Variants in RALYL observed in about 807,000 individuals in gnomAD.
RALYL encodes RALY RNA binding protein like, also known as RNA-binding Raly-like protein.
RALYL carries 29 observed loss-of-function variants against 35.1 expected under a neutral mutation model. The observed-to-expected ratio is 0.83, with a 90% CI of 0.61 to 1.13. RALYL has a LOEUF of 1.13. RALYL is among the 50% of genes most tolerant of loss of function. RALYL has a pLI of 0.00. For missense variants in RALYL, 359 were observed against 360.4 expected (o/e 1.00, Z 0.03); for synonymous variants, 120 against 127.6 (o/e 0.94, Z 0.40).
intron 1 of RALYL, among the ~76,000 whole-genome samples, chr8:84,510,281 T>C (rs1262593497): frequency 6.6e-6 from 1 of 152,192 alleles, no homozygotes; most frequent in African/African-American, 2.4e-5. Context: ...GCGATCCCTA[T>C]GGCAAATTTA....
intron 1 of RALYL, among the ~76,000 whole-genome samples, chr8:84,353,706 T>G (rs1851328297): frequency 6.6e-6 from 1 of 150,380 alleles, no homozygotes; most frequent in Non-Finnish European, 1.5e-5. Context: ...AAAAAACATT[T>G]TAACCACCTA....
chr8:84,231,310 A>G (rs567204544), intron 1 of RALYL, among the ~76,000 whole-genome samples: 1 of 152,214 alleles, frequency 6.6e-6, no homozygotes. Flanking sequence ...TGTAGTTTTC[A>G]AATTGACTGA....
At chr8:84,883,869 C>T (rs1472806976) in intron 7 of RALYL, among the ~76,000 whole-genome samples, 2 of 152,078 alleles carry the variant, frequency 1.3e-5, no homozygotes, top group Middle Eastern at 3.4e-3. Context: ...CTGTTTTGAG[C>T]CTGTTATAAC....
chr8:84,671,418 C>T (rs556723300), intron 2 of RALYL, among the ~76,000 whole-genome samples: 26 of 152,242 alleles, frequency 1.7e-4, no homozygotes, highest in Non-Finnish European at 2.4e-4. Flanking sequence ...GGACTGTGGG[C>T]GTAGGGAGCT....
intron 1 of RALYL, among the ~76,000 whole-genome samples, chr8:84,319,856 A>AT (rs1487761153): frequency 7.9e-6 from 1 of 126,822 alleles, no homozygotes; most frequent in Non-Finnish European, 1.8e-5. Flanking sequence ...TGTAGTCATA[A>AT]TTTTTTTTCA....
At chr8:84,709,332 T>G (rs1350752180) in intron 2 of RALYL, among the ~76,000 whole-genome samples, 1 of 152,092 alleles carries the variant, frequency 6.6e-6, no homozygotes, top group African/African-American at 2.4e-5. Context: ...GATCCTTGGG[T>G]GCCCATGGAG....
intron 1 of RALYL, among the ~76,000 whole-genome samples, chr8:84,417,660 C>T (rs317954): frequency 6.6e-6 from 1 of 151,606 alleles, no homozygotes; most frequent in African/African-American, 2.4e-5. Flanking sequence ...CAGATATCAA[C>T]AGTGTGGATT....
chr8:84,321,599 T>G (rs993137852), intron 1 of RALYL, among the ~76,000 whole-genome samples: 1 of 152,094 alleles, frequency 6.6e-6, no homozygotes. Context: ...GAAGGGGGAT[T>G]TCCCCCACGA....
chr8:84,914,485 A>G (rs1208793328), intron 8 of RALYL, among the ~76,000 whole-genome samples: 2 of 152,202 alleles, frequency 1.3e-5, no homozygotes, highest in African/African-American at 4.8e-5. Context: ...AATCATCATT[A>G]TCTTCAGAAA....
intron 4 of RALYL, among the ~76,000 whole-genome samples, chr8:84,844,874 A>G (rs1490162073): frequency 1.3e-5 from 2 of 152,154 alleles, no homozygotes; most frequent in Non-Finnish European, 2.9e-5. Flanking sequence ...AAGGACAAAA[A>G]ACCAAACGCC....
intron 2 of RALYL, among the ~76,000 whole-genome samples, chr8:84,539,756 A>G (rs2135205607): frequency 6.6e-6 from 1 of 150,756 alleles, no homozygotes; most frequent in Middle Eastern, 3.5e-3. Context: ...GTAATCCCAC[A>G]GGATTTGTTG....
chr8:84,805,509 C>CTCTG (rs1180930294), intron 4 of RALYL, among the ~76,000 whole-genome samples: 1 of 152,126 alleles, frequency 6.6e-6, no homozygotes, highest in East Asian at 1.9e-4. Context: ...CATGGTGAAA[C>CTCTG]TCTGTCTCTA....
In RALYL at chr8:84,510,090, G is replaced by T. The variant is rs559453046; in HGVS notation, c.-23-19209G>T. Among the ~76,000 whole-genome samples the T allele has an allele frequency of 3.3e-5, 5 of 152,270 alleles. No individual in the cohort carries two copies. In the South Asian group the frequency reaches 8.3e-4, roughly 25 times the overall value. On this transcript the variant is annotated intron_variant, in intron 1 of 8. Transcript: ENST00000521268. ...AGATTGCATTGAATCTATGGATAAAGTTGGGAAAAGTTGGTATCTTGGCAA... is the reference window on the plus strand; with the variant it reads ...AGATTGCATTGAATCTATGGATAAATTTGGGAAAAGTTGGTATCTTGGCAA...
chr8:84,327,821 T>A (rs1205275306), intron 1 of RALYL, among the ~76,000 whole-genome samples: 1 of 152,202 alleles, frequency 6.6e-6, no homozygotes, highest in Non-Finnish European at 1.5e-5. Flanking sequence ...CTTCATAGTT[T>A]TTTCTGTTTT....
intron 2 of RALYL, among the ~76,000 whole-genome samples, chr8:84,651,864 G>C (rs1190690352): frequency 6.6e-6 from 1 of 152,010 alleles, no homozygotes; most frequent in Non-Finnish European, 1.5e-5. Flanking sequence ...TGAAAGAAAA[G>C]AGCAGATCAA....
intron 3 of RALYL, among the ~76,000 whole-genome samples, chr8:84,785,201 G>T (rs1268130707): frequency 6.6e-6 from 1 of 152,122 alleles, no homozygotes; most frequent in African/African-American, 2.4e-5. Flanking sequence ...TATATTGCAT[G>T]ATGATGAGAG....
intron 8 of RALYL, among the ~76,000 whole-genome samples, chr8:84,900,324 A>G (rs996908143): frequency 1.3e-5 from 2 of 152,182 alleles, no homozygotes; most frequent in Non-Finnish European, 2.9e-5. Context: ...TAATTCTGTG[A>G]GATTTCAAAA....
At chr8:84,235,563 A>G (rs992489000) in intron 1 of RALYL, among the ~76,000 whole-genome samples, 2 of 152,194 alleles carry the variant, frequency 1.3e-5, no homozygotes, top group Non-Finnish European at 2.9e-5. Flanking sequence ...TGTGTAAGTT[A>G]TATAAATCAT....
intron 1 of RALYL, among the ~76,000 whole-genome samples, chr8:84,447,498 C>G (rs1302077159): frequency 6.6e-6 from 1 of 152,050 alleles, no homozygotes; most frequent in Non-Finnish European, 1.5e-5. Flanking sequence ...TTAACCTCTA[C>G]CTTATCCTAG....
Sources: allele counts gnomAD v4.1 joint callset (sites outside exome capture counted in the v4.1 genomes callset), GRCh38; gene constraint gnomAD v4.1.1; transcripts MANE v1.5; gene names NCBI Gene and HGNC (gene_info 2026-07-23, HGNC 2026-07-21).